USP50: variants seen among roughly 807,000 people sequenced by gnomAD.
USP50 encodes ubiquitin carboxyl-terminal hydrolase 50.
In USP50, 37 loss-of-function variants were observed where a neutral mutation model predicts 39.2. That is an observed-to-expected ratio of 0.94 (90% CI 0.73 to 1.24). The LOEUF (loss-of-function observed/expected upper bound fraction) is 1.24, where lower values mean the gene tolerates loss of function less well. USP50 is among the 50% of genes most tolerant of loss of function. The pLI is 0.00. For missense variants in USP50, 374 were observed against 398.2 expected (o/e 0.94, Z 0.52); for synonymous variants, 139 against 144.5 (o/e 0.96, Z 0.27).
At chr15:50,508,069 C>CAAAAA (rs542709964) in intron 6 of USP50, 8 of 66,698 alleles carry the variant, frequency 1.2e-4, no homozygotes, top group East Asian at 4.0e-4. Flanking sequence ...GACTCTGTCT[C>CAAAAA]AAAAAAAAAA....
chr15:50,525,500 ATGTG>A (rs914307459), intron 6 of USP50, among the ~76,000 whole-genome samples: 3 of 145,270 alleles, frequency 2.1e-5, no homozygotes, highest in Non-Finnish European at 4.5e-5. Flanking sequence ...GTATATATGT[ATGTG>A]TGTGTATATA....
intron 5 of USP50, among the ~76,000 whole-genome samples, chr15:50,538,273 C>CAAAAAAAAAAAAAAAAAAA (rs766139797): frequency 2.3e-4 from 4 of 17,312 alleles, no homozygotes; most frequent in African/African-American, 3.7e-4. Context: ...GAGACTGTCT[C>CAAAAAAAAAAAAAAAAAAA]AAAAAAAAAA....
chr15:50,543,356 C>T (rs1021215024), intron 3 of USP50, among the ~76,000 whole-genome samples: 2 of 152,142 alleles, frequency 1.3e-5, no homozygotes, highest in African/African-American at 4.8e-5. Flanking sequence ...TAATTAATTA[C>T]CCTTGGAGTA....
At chr15:50,499,744 A>G (rs548514074), downstream of USP50, 5 of 152,322 alleles carry the variant, frequency 3.3e-5, no homozygotes, top group South Asian at 6.2e-4. Context: ...AATTTCATTT[A>G]CAGCTACATT....
At chr15:50,532,663 A>T (rs1004345621) in intron 5 of USP50, among the ~76,000 whole-genome samples, 1 of 152,172 alleles carries the variant, frequency 6.6e-6, no homozygotes, top group Admixed American at 6.5e-5. Context: ...TCAGAACCAG[A>T]TAGCGCAGGG....
intron 3 of USP50, among the ~76,000 whole-genome samples, chr15:50,542,481 A>ATTTTTTT (rs11292495): frequency 9.2e-5 from 9 of 97,396 alleles, no homozygotes; most frequent in Admixed American, 1.4e-4. Flanking sequence ...TTTCCTTTTC[A>ATTTTTTT]TTTTTTTTTT....
intron 6 of USP50, chr15:50,507,272 G>A (rs568026141): frequency 3.3e-5 from 5 of 152,642 alleles, no homozygotes; most frequent in African/African-American, 1.2e-4. Flanking sequence ...CACAGAGTGA[G>A]ACTCTGTCTC....
Position 50,527,257 on chromosome 15 carries a change from T to G in USP50, c.936+2540A>C, listed in dbSNP as rs575607246. Among the ~76,000 whole-genome samples, 13 of 152,290 alleles carry G rather than the reference T, an allele frequency of 8.5e-5. No homozygotes were observed. The South Asian group carries it at 2.5e-3, about 29-fold the overall frequency. On this transcript the variant is annotated intron_variant, in intron 6 of 6. Coordinates refer to ENST00000532404, the MANE Select transcript of USP50 (RefSeq NM_203494.5). Reference sequence around the variant, plus strand: ...TCTCGTTCTGTCATCCAGGCTGGAGTGCAGTGGCACGATCTCAGCTCACTG... The same window carrying G: ...TCTCGTTCTGTCATCCAGGCTGGAGGGCAGTGGCACGATCTCAGCTCACTG...
chr15:50,530,704 G>A (rs1003238606), intron 5 of USP50, among the ~76,000 whole-genome samples: 1 of 152,252 alleles, frequency 6.6e-6, no homozygotes, highest in Middle Eastern at 3.4e-3. Context: ...AAATGAGACT[G>A]GAATTTGAAT....
intron 6 of USP50, chr15:50,503,890 T>G (rs2052623414): frequency 6.6e-6 from 1 of 152,162 alleles, no homozygotes; most frequent in Admixed American, 6.6e-5. Context: ...GCAATAAGAT[T>G]TAAACCCCCA....
intron 1 of USP50, among the ~76,000 whole-genome samples, chr15:50,494,717 A>G (rs1255040859): frequency 6.6e-6 from 1 of 152,164 alleles, no homozygotes; most frequent in Non-Finnish European, 1.5e-5. Context: ...ACATCCTTCT[A>G]AAATAAGAAT....
intron 6 of USP50, among the ~76,000 whole-genome samples, chr15:50,521,859 G>A (rs1220243804): frequency 6.6e-6 from 1 of 152,122 alleles, no homozygotes; most frequent in African/African-American, 2.4e-5. Context: ...AGCTAGTTGG[G>A]AGGCTAAGGC....
intron 2 of USP50, 158 bp from the exon 3 acceptor site, chr15:50,543,951 C>A (rs898175858): frequency 7.4e-6 from 5 of 675,164 alleles, no homozygotes; most frequent in Middle Eastern, 3.4e-4. Flanking sequence ...TAGCTTGAGC[C>A]CCCAGAAGGT....
rs2053060037 is a variant in USP50 at position 50,544,927 on chromosome 15, T to C, written c.54-146A>G. On this transcript the variant is annotated intron_variant, in intron 1 of 6. Transcript: ENST00000532404. ...CATTCCCTACCAAGGACAGGAAGTA[T>C]TGGAACTTGGAGTCTAAAATTGTAT... 5 of 829,370 alleles carry C rather than the reference T, an allele frequency of 6.0e-6. No homozygotes were observed. In the Admixed American group the frequency reaches 8.9e-5, roughly 15 times the overall value. 51.4% of individuals were successfully genotyped at this position (829,370 alleles called of 1,614,324 possible). A position where few individuals can be genotyped will look rare whatever the true frequency, so the allele number is the denominator to read the frequency against.
chr15:50,495,497 T>C (rs1326702260), intron 1 of USP50, among the ~76,000 whole-genome samples: 1 of 149,058 alleles, frequency 6.7e-6, no homozygotes, highest in African/African-American at 2.5e-5. Flanking sequence ...GGGGGGGGTC[T>C]CACTATGTTG....
At chr15:50,527,539 T>C (rs192956729) in intron 6 of USP50, among the ~76,000 whole-genome samples, 2 of 152,152 alleles carry the variant, frequency 1.3e-5, no homozygotes, top group East Asian at 3.9e-4. Flanking sequence ...GTGGTGCCAA[T>C]GCTACGGTTC....
chr15:50,532,479 C>T (rs1026929036), intron 5 of USP50, among the ~76,000 whole-genome samples: 1 of 152,048 alleles, frequency 6.6e-6, no homozygotes, highest in Non-Finnish European at 1.5e-5. Flanking sequence ...ATTAAAAGAC[C>T]GAGACCCACT....
chr15:50,513,965 T>A (rs967483451), intron 6 of USP50: 4 of 152,192 alleles, frequency 2.6e-5, no homozygotes. Context: ...AAAACAAGAA[T>A]GTTTATAGCA....
chr15:50,505,087 A>G (rs1468911134), intron 6 of USP50: 2 of 152,152 alleles, frequency 1.3e-5, no homozygotes, highest in Non-Finnish European at 2.9e-5. Context: ...ATTGAATGAG[A>G]ATATTCAGCG....
Sources: allele counts gnomAD v4.1 joint callset (sites outside exome capture counted in the v4.1 genomes callset), GRCh38; gene constraint gnomAD v4.1.1; transcripts MANE v1.5; gene names NCBI Gene and HGNC (gene_info 2026-07-23, HGNC 2026-07-21).